Variants in SLC29A4 observed in about 807,000 individuals in gnomAD.
SLC29A4 encodes the protein equilibrative nucleoside transporter 4.
SLC29A4 carries 36 observed loss-of-function variants against 43.9 expected under a neutral mutation model. The observed-to-expected ratio is 0.82, with a 90% CI of 0.63 to 1.08. The LOEUF (loss-of-function observed/expected upper bound fraction) is 1.08, where lower values mean the gene tolerates loss of function less well. Among genes scored for constraint, SLC29A4 ranks in the 50% least tolerant of loss-of-function variants. SLC29A4 has a pLI of 0.00. For missense variants in SLC29A4, 869 were observed against 755.3 expected (o/e 1.15, Z -1.77); for synonymous variants, 491 against 338.0 (o/e 1.45, Z -4.97).
chr7:5,300,769 G>A, intron 10 of SLC29A4, 107 bp downstream of exon 10: 1 of 1,438,644 alleles, frequency 7.0e-7, no homozygotes, highest in South Asian at 1.3e-5. Context: ...GGGTTCCGGG[G>A]GTTCAGAACA....
Position 5,303,893 on chromosome 7 carries a change from C to T in SLC29A4, c.*954C>T, listed in dbSNP as rs944106024. The T allele has an allele frequency of 6.6e-5, 10 of 152,280 alleles. No individual in the cohort carries two copies. Among genetic ancestry groups the T allele is most frequent in the African/African-American group, 2.4e-4 (10 of 41,430 alleles). The allele number at this position is 152,280 out of a possible 1,614,324, so 9.4% of individuals were successfully genotyped here. On this transcript the variant is annotated 3_prime_UTR_variant, in exon 11 of 11. Transcript: ENST00000396872. ...GGTGGCACCCTGAGGTCAGGGGATC[C>T]TAAGGGTGTCCTTCCAGAGACGGTG...
chr7:5,290,806 C>G lies in SLC29A4; in HGVS notation c.244C>G (p.Leu82Val). ...FAMLLAGVGFLLPYNSFITDV... is the reference protein window; with the variant it reads ...FAMLLAGVGFVLPYNSFITDV... ...GATGCTGCTGGCTGGCGTGGGCTTCCTGCTGCCATACAACAGCTTCATCAC... is the reference window on the plus strand; with the variant it reads ...GATGCTGCTGGCTGGCGTGGGCTTCGTGCTGCCATACAACAGCTTCATCAC... Residue 82 changes from leucine (L) to valine (V), a missense_variant, in exon 3 of 11, where the codon CTG becomes GTG. Physicochemically the swap from Leu to Val is conservative, Grantham distance 32. Coordinates refer to ENST00000396872, the MANE Select transcript of SLC29A4 (RefSeq NM_153247.4). 1.2e-6 allele frequency: 2 copies of G among 1,614,096 alleles called. No homozygotes were observed. The highest frequency in any genetic ancestry group is 2.2e-5 in the South Asian group (2 of 91,086).
chr7:5,287,427 A>AG (rs1562440636), intron 1 of SLC29A4, among the ~76,000 whole-genome samples: 380 of 151,816 alleles, frequency 2.5e-3, no homozygotes, highest in African/African-American at 8.8e-3. Flanking sequence ...GAAAAAAAAA[A>AG]AAAAAGAAAA....
chr7:5,297,221 T>C, intron 7 of SLC29A4, 23 bp downstream of exon 7: 1 of 1,542,090 alleles, frequency 6.5e-7, no homozygotes, highest in South Asian at 1.2e-5. Flanking sequence ...CGCCCACCTC[T>C]GTTCCCTTCT....
intron 1 of SLC29A4, among the ~76,000 whole-genome samples, chr7:5,284,923 C>T (rs370025062): frequency 1.2e-4 from 18 of 152,190 alleles, no homozygotes; most frequent in South Asian, 2.1e-4. Context: ...GGGCACTGCA[C>T]GTCCAGGGAA....
chr7:5,291,377 G>C (rs1785300574), intron 4 of SLC29A4, 140 bp downstream of exon 4: 2 of 721,898 alleles, frequency 2.8e-6, no homozygotes, highest in Non-Finnish European at 4.1e-6. Flanking sequence ...CCTGAGGTCT[G>C]GTGTAAGACA....
chr7:5,285,806 G>C (rs1784908484), intron 1 of SLC29A4, among the ~76,000 whole-genome samples: 1 of 152,070 alleles, frequency 6.6e-6, no homozygotes, highest in Admixed American at 6.5e-5. Flanking sequence ...GAGCCCAGGA[G>C]TTCAAGACCA....
chr7:5,300,692 C>T (rs764740403), intron 10 of SLC29A4, 30 bp downstream of exon 10: 48 of 1,597,974 alleles, frequency 3.0e-5, no homozygotes, highest in Middle Eastern at 2.2e-4. Context: ...GGGGTGGGGG[C>T]GTCCTCCCAG....
chr7:5,295,925 C>T (rs1785621121), intron 6 of SLC29A4, among the ~76,000 whole-genome samples: 1 of 146,592 alleles, frequency 6.8e-6, no homozygotes, highest in Non-Finnish European at 1.5e-5. Context: ...CCTGTCCACC[C>T]TCACGGGGTG....
chr7:5,288,832 C>T (rs902033111), intron 2 of SLC29A4, among the ~76,000 whole-genome samples: 2 of 152,154 alleles, frequency 1.3e-5, no homozygotes, highest in African/African-American at 4.8e-5. Context: ...ATCAGACTTG[C>T]AGAGTGGACA....
At chr7:5,299,909 G>C (rs1786015115) in intron 9 of SLC29A4, among the ~76,000 whole-genome samples, 1 of 152,160 alleles carries the variant, frequency 6.6e-6, no homozygotes, top group Non-Finnish European at 1.5e-5. Flanking sequence ...AAAATTAAAT[G>C]GACGTGGTGG....
chr7:5,302,436 G>A (rs1165837231), intron 10 of SLC29A4, among the ~76,000 whole-genome samples: 3 of 152,166 alleles, frequency 2.0e-5, no homozygotes, highest in East Asian at 1.9e-4. Context: ...CCAGGTACTC[G>A]GGAGGCTGAA....
intron 2 of SLC29A4, among the ~76,000 whole-genome samples, chr7:5,289,703 C>T (rs751356085): frequency 2.0e-5 from 3 of 152,176 alleles, no homozygotes; most frequent in Non-Finnish European, 2.9e-5. Flanking sequence ...ACGGTCCCCC[C>T]CTTGCCGGTG....
At position 5,300,399 on chromosome 7, in the gene SLC29A4, C is replaced by T. The variant is rs751551946; in HGVS notation, c.1210-23C>T. On this transcript the variant is annotated intron_variant, in intron 9 of 10. Coordinates refer to ENST00000396872, the MANE Select transcript of SLC29A4 (RefSeq NM_153247.4). Reference sequence around the variant, plus strand: ...GTGGGGCTGTGGCCGGGACAGGGCGCCCACTTGCCTGGCTCTCTGCAGATC... The same window carrying T: ...GTGGGGCTGTGGCCGGGACAGGGCGTCCACTTGCCTGGCTCTCTGCAGATC... The T allele has an allele frequency of 3.1e-6, 5 of 1,610,202 alleles. No homozygotes were observed. In the African/African-American group the frequency reaches 4.0e-5, roughly 13 times the overall value.
chr7:5,306,198 T>TC lies in SLC29A4; in HGVS notation c.*3259_*3260insC, dbSNP rs1268550552. 1.5e-5 allele frequency: 2 copies of TC among 137,922 alleles called. No individual in the cohort carries two copies. Among genetic ancestry groups the TC allele is most frequent in the African/African-American group, 5.4e-5 (2 of 37,256 alleles). 8.5% of individuals were successfully genotyped at this position (137,922 alleles called of 1,614,324 possible). A position where few individuals can be genotyped will look rare whatever the true frequency, so the allele number is the denominator to read the frequency against. Reference sequence around the variant, plus strand: ...TGTAAATTTGTTCAATTTCTTTTTTTTTTTTTTTTTTTTTTTTTGAGACAA... The same window carrying TC: ...TGTAAATTTGTTCAATTTCTTTTTTTCTTTTTTTTTTTTTTTTTTGAGACAA... On this transcript the variant is annotated 3_prime_UTR_variant, in exon 11 of 11. Transcript: ENST00000396872.
intron 1 of SLC29A4, 116 bp from the exon 2 acceptor site, chr7:5,287,693 G>C: frequency 9.3e-7 from 1 of 1,076,638 alleles, no homozygotes; most frequent in Non-Finnish European, 1.3e-6. Flanking sequence ...TTTGGCCAAC[G>C]AGTGTGACCA....
chr7:5,305,503 C>T lies in SLC29A4; in HGVS notation c.*2564C>T, dbSNP rs1178892236. On this transcript the variant is annotated 3_prime_UTR_variant, in exon 11 of 11. Transcript: ENST00000396872. ...TTGGGGCCACTCTTAGCATTAGTATCATTTTCTTCTAGTATCATTTTGTGG... is the reference window on the plus strand; with the variant it reads ...TTGGGGCCACTCTTAGCATTAGTATTATTTTCTTCTAGTATCATTTTGTGG... The T allele has an allele frequency of 1.3e-5, 2 of 150,012 alleles. No homozygotes were observed. The highest frequency in any genetic ancestry group is 4.9e-5 in the African/African-American group (2 of 40,860). The allele number at this position is 150,012 out of a possible 1,614,324, so 9.3% of individuals were successfully genotyped here.
chr7:5,292,328 A>G (rs990540462), intron 5 of SLC29A4, among the ~76,000 whole-genome samples: 3 of 152,130 alleles, frequency 2.0e-5, no homozygotes, highest in African/African-American at 7.2e-5. Flanking sequence ...TGCCCAGGCT[A>G]GTCTTGAACT....
chr7:5,298,844 A>G (rs3889348), intron 7 of SLC29A4, 144 bp from the exon 8 acceptor site: 524,243 of 798,074 alleles, frequency 0.66, 173,938 homozygotes, highest in African/African-American at 0.77. Flanking sequence ...GATAAAGTGG[A>G]GGAGGGGTGT....
Sources: gnomAD v4.1 joint callset for allele counts (sites outside exome capture counted in the v4.1 genomes callset) on GRCh38, gnomAD v4.1.1 for gene constraint, MANE v1.5 for transcripts, NCBI Gene and HGNC (gene_info 2026-07-23, HGNC 2026-07-21) for gene names.